Variants in PTPRF observed in about 807,000 individuals in gnomAD.
PTPRF encodes the protein receptor-type tyrosine-protein phosphatase F.
Under a neutral mutation model 201.8 loss-of-function variants are expected in PTPRF, and 59 were observed. The observed-to-expected ratio is 0.29, with a 90% CI of 0.24 to 0.36. The LOEUF is 0.36. Among genes scored for constraint, PTPRF ranks in the 10% least tolerant of loss-of-function variants. PTPRF has a pLI of 1.00. For synonymous variants in PTPRF, 1,088 were observed against 1,089.7 expected (o/e 1.00, Z 0.03); for missense variants, 2,132 against 2,690.5 (o/e 0.79, Z 4.59).
chr1:43,602,189 C>G, intron 14 of PTPRF, 92 bp downstream of exon 14: 1 of 1,446,718 alleles, frequency 6.9e-7, no homozygotes, highest in Non-Finnish European at 9.7e-7. Flanking sequence ...CTAGCCTGCA[C>G]TGCCAAGATC....
chr1:43,531,604 C>T (rs1404094402), intron 1 of PTPRF, among the ~76,000 whole-genome samples: 1 of 149,744 alleles, frequency 6.7e-6, no homozygotes, highest in East Asian at 2.0e-4. Context: ...AGCCGGCGCG[C>T]CCGGGTCTCG....
intron 21 of PTPRF, 139 bp from the exon 22 acceptor site, chr1:43,609,244 C>T: frequency 1.5e-6 from 1 of 672,690 alleles, no homozygotes. Context: ...CTCCTCCGCG[C>T]TCAGAGATCC....
chr1:43,574,656 T>G (rs1243906739), intron 6 of PTPRF, among the ~76,000 whole-genome samples: 1 of 152,238 alleles, frequency 6.6e-6, no homozygotes, highest in South Asian at 2.1e-4. Flanking sequence ...GAAAACAGTT[T>G]TGACCTTGCA....
At chr1:43,618,527 T>C (rs1231985055) in intron 25 of PTPRF, 103 bp from the exon 26 acceptor site, 2 of 1,429,854 alleles carry the variant, frequency 1.4e-6, no homozygotes, top group Non-Finnish European at 1.9e-6. Flanking sequence ...GGGGGCTTTG[T>C]AGCCAGAAAG....
intron 3 of PTPRF, among the ~76,000 whole-genome samples, chr1:43,547,790 G>A (rs931513248): frequency 9.2e-5 from 14 of 152,254 alleles, no homozygotes; most frequent in South Asian, 6.2e-4. Flanking sequence ...TGCCGCACGC[G>A]CAGCTCCAGT....
In PTPRF at chr1:43,554,461, G is replaced by A. The variant is rs1298721092; in HGVS notation, c.379+520G>A. On this transcript the variant is annotated intron_variant, in intron 5 of 33. Transcript: ENST00000359947. This position sits in a 1 kb window ranked among gnomAD's most constrained non-coding sequence, Gnocchi z 4.1. ...GAAGTCCTCTGAGCACCGAGGAGGAGGAAGCTGTGTCTAAGCCAAGTCTTG... is the reference window on the plus strand; with the variant it reads ...GAAGTCCTCTGAGCACCGAGGAGGAAGAAGCTGTGTCTAAGCCAAGTCTTG... Among the ~76,000 whole-genome samples the A allele has an allele frequency of 1.3e-5, 2 of 152,198 alleles. No individual in the cohort carries two copies. Among genetic ancestry groups the A allele is most frequent in the Admixed American group, 1.3e-4 (2 of 15,280 alleles).
chr1:43,536,331 C>CT (rs1644004628), intron 1 of PTPRF, among the ~76,000 whole-genome samples: 1 of 152,186 alleles, frequency 6.6e-6, no homozygotes, highest in Non-Finnish European at 1.5e-5. Flanking sequence ...TACTGTTTGG[C>CT]TTTTCTAGGA....
At chr1:43,621,441 G>A (rs7553986) in intron 33 of PTPRF, among the ~76,000 whole-genome samples, 6,525 of 152,316 alleles carry the variant, frequency 0.043, 459 homozygotes, top group African/African-American at 0.15. Context: ...TCAGAAGTTC[G>A]AGGCTGCAGT....
chr1:43,555,632 G>A (rs1645315396), intron 5 of PTPRF, among the ~76,000 whole-genome samples: 1 of 151,920 alleles, frequency 6.6e-6, no homozygotes, highest in Non-Finnish European at 1.5e-5. Context: ...TTTTAGTAAA[G>A]ACGGGGTTTC....
At chr1:43,616,780 G>T (rs1230584643) in intron 23 of PTPRF, among the ~76,000 whole-genome samples, 1 of 152,130 alleles carries the variant, frequency 6.6e-6, no homozygotes, top group Non-Finnish European at 1.5e-5. Context: ...TCGGGGAAGA[G>T]CTCTGTGCTG....
At position 43,605,230 on chromosome 1, in the gene PTPRF, C is replaced by T. The variant is rs761400999; in HGVS notation, c.3176C>T (p.Ser1059Leu). 2.4e-5 allele frequency: 39 copies of T among 1,605,916 alleles called. No individual in the cohort carries two copies. The highest frequency in any genetic ancestry group is 6.6e-5 in the South Asian group (6 of 90,860). The change falls in exon 18 of 34, where the codon TCG becomes TTG. Residue 1059 changes from serine (S) to leucine (L), a missense_variant. Transcript: ENST00000359947. ...CAGAGTGTGGAGGTGGACGGGCACT[C>T]GATGCGGAAGCTGATCGCAGACCTG... Reference protein sequence around the residue: ...NGQSVEVDGHSMRKLIADLQP... With the variant: ...NGQSVEVDGHLMRKLIADLQP...
At chr1:43,535,942 T>A (rs1332512760) in intron 1 of PTPRF, among the ~76,000 whole-genome samples, 1 of 152,118 alleles carries the variant, frequency 6.6e-6, no homozygotes, top group Non-Finnish European at 1.5e-5. Context: ...GGCTAATTTT[T>A]GTATTTTTTT....
chr1:43,585,339 T>C (rs957480675), intron 7 of PTPRF, among the ~76,000 whole-genome samples: 1 of 152,160 alleles, frequency 6.6e-6, no homozygotes, highest in Non-Finnish European at 1.5e-5. Flanking sequence ...ACAAGGAGGT[T>C]GTCCCTTGCC....
chr1:43,547,319 C>T lies in PTPRF; in HGVS notation c.91+2153C>T, dbSNP rs573315187. On this transcript the variant is annotated intron_variant, in intron 3 of 33. Transcript: ENST00000359947. ...TCCTTAGGAACCAAAGCCCAAACAC[C>T]AGGTCTTGACGGTAGAAAGCAGCTG... Among the ~76,000 whole-genome samples the T allele has an allele frequency of 5.9e-5, 9 of 152,316 alleles. No homozygotes were observed. The South Asian group carries it at 1.9e-3, about 32-fold the overall frequency.
At chr1:43,621,873 C>T (rs1570766806) in intron 33 of PTPRF, 62 bp from the exon 34 acceptor site, 1 of 1,517,372 alleles carries the variant, frequency 6.6e-7, no homozygotes. Flanking sequence ...GTGTGAGTGT[C>T]AGCTGTGTAG....
intron 19 of PTPRF, 85 bp downstream of exon 19, chr1:43,605,707 C>T: frequency 1.6e-6 from 2 of 1,273,350 alleles, no homozygotes; most frequent in Non-Finnish European, 2.3e-6. Context: ...GTCCCAGTGA[C>T]TCTCAGATTC....
At chr1:43,573,825 C>T (rs1646732793) in intron 6 of PTPRF, among the ~76,000 whole-genome samples, 4 of 152,030 alleles carry the variant, frequency 2.6e-5, no homozygotes, top group South Asian at 2.1e-4. Context: ...AGGCCAGGAG[C>T]GAGGGATGCC....
chr1:43,585,984 T>C (rs1378659398), intron 7 of PTPRF, among the ~76,000 whole-genome samples: 2 of 152,220 alleles, frequency 1.3e-5, no homozygotes, highest in Non-Finnish European at 2.9e-5. Flanking sequence ...CCTCTGCTAA[T>C]TCTGATGCTT....
intron 33 of PTPRF, 76 bp downstream of exon 33, chr1:43,621,308 G>T (rs1054647329): frequency 6.4e-7 from 1 of 1,557,916 alleles, no homozygotes; most frequent in Non-Finnish European, 8.7e-7. Flanking sequence ...GCAACAGTTT[G>T]ATGCCCACAG....
Sources: gnomAD v4.1 joint callset for allele counts (sites outside exome capture counted in the v4.1 genomes callset) on GRCh38, gnomAD v4.1.1 for gene constraint, Gnocchi (gnomAD v3.1) non-coding constraint, MANE v1.5 for transcripts, NCBI Gene and HGNC (gene_info 2026-07-23, HGNC 2026-07-21) for gene names.